Variants in ARHGAP15 observed in about 807,000 individuals in gnomAD.
The protein encoded by ARHGAP15 is Rho GTPase activating protein 15.
A neutral mutation model predicts 63.7 loss-of-function variants in ARHGAP15; 51 were observed. The observed-to-expected ratio is 0.80, with a 90% CI of 0.64 to 1.01. The LOEUF (loss-of-function observed/expected upper bound fraction) is 1.01, where lower values mean the gene tolerates loss of function less well. ARHGAP15 is among the 50% of genes least tolerant of loss of function. The pLI is 0.00. For synonymous variants in ARHGAP15, 191 were observed against 193.8 expected, an observed-to-expected ratio of 0.99 and a Z score of 0.12; for missense variants, 560 against 564.6, an observed-to-expected ratio of 0.99 and a Z score of 0.08.
chr2:143,175,454 A>G (rs73962364), intron 2 of ARHGAP15, among the ~76,000 whole-genome samples: 2,843 of 152,282 alleles, frequency 0.019, 115 homozygotes, highest in African/African-American at 0.065. Context: ...ATGACCTGAT[A>G]GCCTTTTGAG....
intron 13 of ARHGAP15, among the ~76,000 whole-genome samples, chr2:143,738,988 AAG>A (rs1308372094): frequency 6.6e-6 from 1 of 152,174 alleles, no homozygotes; most frequent in Non-Finnish European, 1.5e-5. Flanking sequence ...GATCACTGGA[AAG>A]AGAGGCTAGA....
intron 11 of ARHGAP15, among the ~76,000 whole-genome samples, chr2:143,581,459 C>T (rs1167994926): frequency 6.6e-6 from 1 of 152,120 alleles, no homozygotes; most frequent in Non-Finnish European, 1.5e-5. Flanking sequence ...ATGTTATCAC[C>T]TCTCTGAAAC....
intron 12 of ARHGAP15, among the ~76,000 whole-genome samples, chr2:143,665,990 T>C (rs1682152162): frequency 6.7e-6 from 1 of 149,590 alleles, no homozygotes; most frequent in Non-Finnish European, 1.5e-5. Context: ...ATGGCCATAC[T>C]GCCCAAGGTA....
At chr2:143,223,512 C>T (rs970491555) in intron 4 of ARHGAP15, among the ~76,000 whole-genome samples, 2 of 152,132 alleles carry the variant, frequency 1.3e-5, no homozygotes, top group African/African-American at 4.8e-5. Flanking sequence ...GAAAACTATT[C>T]TCTCAAAGTT....
At chr2:143,724,699 C>T (rs140253211) in intron 13 of ARHGAP15, among the ~76,000 whole-genome samples, 6 of 152,124 alleles carry the variant, frequency 3.9e-5, no homozygotes, top group Non-Finnish European at 8.8e-5. Flanking sequence ...CATGAAAGTG[C>T]GTGCATTTAC....
At chr2:143,472,301 A>T (rs1283123741) in intron 8 of ARHGAP15, among the ~76,000 whole-genome samples, 1 of 152,082 alleles carries the variant, frequency 6.6e-6, no homozygotes, top group Non-Finnish European at 1.5e-5. Context: ...TTATTAGGAG[A>T]AGTGGTAGTA....
intron 10 of ARHGAP15, among the ~76,000 whole-genome samples, chr2:143,539,085 A>G (rs1018664284): frequency 1.3e-5 from 2 of 152,060 alleles, no homozygotes; most frequent in African/African-American, 2.4e-5. Flanking sequence ...CAGAGATTCA[A>G]CTTCTTCCTG....
At chr2:143,330,144 A>AAAAAAG (rs1684479277) in intron 6 of ARHGAP15, among the ~76,000 whole-genome samples, 1 of 141,488 alleles carries the variant, frequency 7.1e-6, no homozygotes, top group African/African-American at 2.6e-5. Flanking sequence ...AAAAACAAAA[A>AAAAAAG]ACTAAACTAA....
At chr2:143,624,030 T>C (rs1698742764) in intron 11 of ARHGAP15, 103 bp from the exon 12 acceptor site, 2 of 1,417,758 alleles carry the variant, frequency 1.4e-6, no homozygotes, top group East Asian at 2.3e-5. Flanking sequence ...CAGAAGGCTG[T>C]TAACGGTTGC....
chr2:143,444,892 C>T (rs1690060631), intron 8 of ARHGAP15, among the ~76,000 whole-genome samples: 1 of 152,074 alleles, frequency 6.6e-6, no homozygotes, highest in Admixed American at 6.5e-5. Context: ...CAAGAAATGG[C>T]TCATGGATGA....
intron 6 of ARHGAP15, among the ~76,000 whole-genome samples, chr2:143,274,882 C>T (rs1681467600): frequency 6.6e-6 from 1 of 152,030 alleles, no homozygotes; most frequent in South Asian, 2.1e-4. Flanking sequence ...CTCTTCTGTG[C>T]AATGATGTAA....
At chr2:143,606,067 A>AAAAAAAAAAAAAAAAAAC (rs1559076923) in intron 11 of ARHGAP15, among the ~76,000 whole-genome samples, 1 of 43,774 alleles carries the variant, frequency 2.3e-5, no homozygotes, top group Admixed American at 2.9e-4. Context: ...AAAAAAAAAA[A>AAAAAAAAAAAAAAAAAAC]AAAGCCATAC....
intron 1 of ARHGAP15, among the ~76,000 whole-genome samples, chr2:143,143,516 T>C (rs926285043): frequency 1.3e-5 from 2 of 151,952 alleles, no homozygotes; most frequent in Non-Finnish European, 2.9e-5. Context: ...TGGATTTTTT[T>C]TTCTCACACC....
chr2:143,153,777 ATCTTCTTCTTCTTCTTCT>A lies in ARHGAP15; in HGVS notation c.-14-1649_-14-1632del, dbSNP rs1175995548. ...TTATATAAATGAAATTATATAATAAATCTTCTTCTTCTTCTTCTTCTTCTTCTTCTTCTTCTTCTTCTT... is the reference window on the plus strand; with the variant it reads ...TTATATAAATGAAATTATATAATAAATCTTCTTCTTCTTCTTCTTCTTCTT... On this transcript the variant is annotated intron_variant, in intron 1 of 13. Coordinates refer to ENST00000295095, the MANE Select transcript of ARHGAP15 (RefSeq NM_018460.4). Among the ~76,000 whole-genome samples, 80 of 85,252 alleles carry A rather than the reference ATCTTCTTCTTCTTCTTCT, an allele frequency of 9.4e-4. 1 individual carries two copies. Among genetic ancestry groups the A allele is most frequent in the African/African-American group, 2.7e-3 (63 of 23,180 alleles). 55.9% of individuals were successfully genotyped at this position (85,252 alleles called of 152,430 possible).
At chr2:143,608,649 A>G (rs1698135592) in intron 11 of ARHGAP15, 1 of 152,198 alleles carries the variant, frequency 6.6e-6, no homozygotes, top group Non-Finnish European at 1.5e-5. Flanking sequence ...GTTTTCACAG[A>G]TCCTCTTGTT....
intron 12 of ARHGAP15, among the ~76,000 whole-genome samples, chr2:143,625,211 G>GA (rs966377619): frequency 2.2e-4 from 33 of 148,128 alleles, no homozygotes; most frequent in East Asian, 3.9e-4. Flanking sequence ...AAATCTCCAA[G>GA]AAAAAAAAAA....
chr2:143,344,018 C>T (rs193039186), intron 6 of ARHGAP15: 5 of 152,194 alleles, frequency 3.3e-5, no homozygotes, highest in African/African-American at 7.2e-5. Flanking sequence ...ATCAGCACTC[C>T]CCACCACAGA....
intron 5 of ARHGAP15, among the ~76,000 whole-genome samples, chr2:143,232,267 CA>C (rs1693477118): frequency 6.6e-6 from 1 of 152,016 alleles, no homozygotes; most frequent in African/African-American, 2.4e-5. Flanking sequence ...ATACCCAATC[CA>C]AAAAATAGAA....
intron 6 of ARHGAP15, among the ~76,000 whole-genome samples, chr2:143,303,041 C>A (rs1424401147): frequency 6.6e-6 from 1 of 152,034 alleles, no homozygotes; most frequent in Non-Finnish European, 1.5e-5. Flanking sequence ...AAATGTAAGA[C>A]CTAAACCCAT....
Sources: gnomAD v4.1 joint callset for allele counts (sites outside exome capture counted in the v4.1 genomes callset) on GRCh38, gnomAD v4.1.1 for gene constraint, MANE v1.5 for transcripts, NCBI Gene and HGNC (gene_info 2026-07-23, HGNC 2026-07-21) for gene names.